The following KCNT2 variants were observed in gnomAD, a reference collection of about 807,000 sequenced individuals.
The protein encoded by KCNT2 is potassium channel subfamily T member 2.
Under a neutral mutation model 153.8 loss-of-function variants are expected in KCNT2, and 67 were observed. The ratio of observed to expected loss-of-function variants is 0.44; its 90% CI spans 0.36 to 0.53. The LOEUF is 0.53. Among genes scored for constraint, KCNT2 ranks in the 20% least tolerant of loss-of-function variants. The pLI, the probability that KCNT2 is intolerant of heterozygous loss-of-function variation, is 0.00. For missense variants in KCNT2, 975 were observed against 1,354.8 expected, an observed-to-expected ratio of 0.72 and a Z score of 4.40; for synonymous variants, 500 against 458.8, an observed-to-expected ratio of 1.09 and a Z score of -1.15.
chr1:196,400,412 C>T (rs1461399085), intron 12 of KCNT2, among the ~76,000 whole-genome samples: 2 of 151,670 alleles, frequency 1.3e-5, no homozygotes, highest in Non-Finnish European at 2.9e-5. Context: ...CTTTATCCCT[C>T]AGTATCTAAT....
chr1:196,262,411 A>C (rs995971493), intron 25 of KCNT2, among the ~76,000 whole-genome samples: 1 of 152,008 alleles, frequency 6.6e-6, no homozygotes, highest in African/African-American at 2.4e-5. Flanking sequence ...TGTGCTATTT[A>C]ATTTATGATT....
chr1:196,558,535 T>C (rs545214078), intron 1 of KCNT2, among the ~76,000 whole-genome samples: 12 of 151,528 alleles, frequency 7.9e-5, no homozygotes, highest in Admixed American at 3.3e-4. Context: ...GCAATTATTA[T>C]GTAATTTACA....
At chr1:196,464,253 C>CA (rs1677408067) in intron 8 of KCNT2, among the ~76,000 whole-genome samples, 1 of 151,444 alleles carries the variant, frequency 6.6e-6, no homozygotes, top group African/African-American at 2.4e-5. Context: ...AGACAGTTTG[C>CA]GAAAGGTAAA....
At chr1:196,346,153 ACTC>A (rs1481694942) in intron 14 of KCNT2, among the ~76,000 whole-genome samples, 1 of 151,680 alleles carries the variant, frequency 6.6e-6, no homozygotes, top group Non-Finnish European at 1.5e-5. Context: ...AGGCAAAAAA[ACTC>A]CTCCATGATT....
At chr1:196,307,814 C>T (rs865839793) in intron 21 of KCNT2, among the ~76,000 whole-genome samples, 1 of 151,858 alleles carries the variant, frequency 6.6e-6, no homozygotes, top group Non-Finnish European at 1.5e-5. Context: ...AGAAAAGTGG[C>T]CTGATGGAAA....
intron 1 of KCNT2, among the ~76,000 whole-genome samples, chr1:196,593,339 CACAT>C (rs1463354737): frequency 2.7e-5 from 4 of 145,616 alleles, no homozygotes; most frequent in Non-Finnish European, 6.1e-5. Context: ...CACACACACA[CACAT>C]ATATATGTGT....
intron 5 of KCNT2, among the ~76,000 whole-genome samples, chr1:196,473,729 T>C (rs1678291236): frequency 6.6e-6 from 1 of 151,994 alleles, no homozygotes; most frequent in South Asian, 2.1e-4. Context: ...TAATGAAACA[T>C]AAATATAGAA....
chr1:196,348,642 A>G (rs1420388827), intron 14 of KCNT2, among the ~76,000 whole-genome samples: 2 of 152,162 alleles, frequency 1.3e-5, no homozygotes, highest in African/African-American at 2.4e-5. Context: ...CGGATTTTAA[A>G]AAAAGTTAAA....
chr1:196,559,754 C>T (rs868587693), intron 1 of KCNT2, among the ~76,000 whole-genome samples: 1 of 151,606 alleles, frequency 6.6e-6, no homozygotes, highest in African/African-American at 2.4e-5. Flanking sequence ...GAATATATTT[C>T]GATTGCATCT....
chr1:196,442,321 GAA>G (rs1675306681), intron 8 of KCNT2, among the ~76,000 whole-genome samples: 1 of 151,700 alleles, frequency 6.6e-6, no homozygotes, highest in Non-Finnish European at 1.5e-5. Context: ...TTCTTCTCCT[GAA>G]AAATGTGAAA....
intron 2 of KCNT2, among the ~76,000 whole-genome samples, 168 bp downstream of exon 2, chr1:196,492,094 G>A (rs983189230): frequency 5.3e-5 from 8 of 151,948 alleles, no homozygotes; most frequent in Admixed American, 3.9e-4. Context: ...TTTCTAAAAT[G>A]TTACCACCTG....
At position 196,447,413 on chromosome 1, in the gene KCNT2, G is replaced by T. The variant is rs567478614; in HGVS notation, c.639-17656C>A. On this transcript the variant is annotated intron_variant, in intron 8 of 27. Coordinates refer to ENST00000294725, the MANE Select transcript of KCNT2 (RefSeq NM_198503.5). ...GAAACATTTAGTTCAAAACCCACAC[G>T]TCAGGAATCATCATAACATCATCAA... is the stretch of plus-strand genomic sequence containing the variant. 4.0e-5 allele frequency among the ~76,000 whole-genome samples: 6 copies of T among 151,668 alleles called. No homozygotes were observed. In the East Asian group the frequency reaches 1.2e-3, roughly 30 times the overall value.
At chr1:196,434,599 A>C (rs1170537835) in intron 8 of KCNT2, among the ~76,000 whole-genome samples, 1 of 152,002 alleles carries the variant, frequency 6.6e-6, no homozygotes, top group African/African-American at 2.4e-5. Context: ...ATAGATTATT[A>C]TAATAGCTGC....
intron 14 of KCNT2, among the ~76,000 whole-genome samples, chr1:196,367,811 G>C (rs563507020): frequency 8.5e-5 from 13 of 152,236 alleles, no homozygotes; most frequent in Middle Eastern, 3.4e-3. Context: ...ACATGTGACA[G>C]GGCTCTGACC....
At chr1:196,575,346 G>A (rs1356924274) in intron 1 of KCNT2, among the ~76,000 whole-genome samples, 1 of 151,856 alleles carries the variant, frequency 6.6e-6, no homozygotes, top group South Asian at 2.1e-4. Flanking sequence ...TCTCTTTTGA[G>A]AAAATGGACA....
chr1:196,596,284 T>C (rs964693643), intron 1 of KCNT2, among the ~76,000 whole-genome samples: 1 of 152,074 alleles, frequency 6.6e-6, no homozygotes, highest in African/African-American at 2.4e-5. Context: ...GTACAACTTT[T>C]AGTTTTTCAA....
chr1:196,387,013 T>C (rs1302746433), intron 13 of KCNT2, among the ~76,000 whole-genome samples: 2 of 152,078 alleles, frequency 1.3e-5, no homozygotes, highest in Non-Finnish European at 2.9e-5. Flanking sequence ...ATAGTTATAA[T>C]TAGGTGAATA....
intron 3 of KCNT2, among the ~76,000 whole-genome samples, chr1:196,485,936 C>A (rs1039297544): frequency 6.6e-6 from 1 of 151,606 alleles, no homozygotes; most frequent in East Asian, 1.9e-4. Flanking sequence ...AAAAAAAACA[C>A]TAGGAGGAAA....
At position 196,228,283 on chromosome 1, in the gene KCNT2, G is replaced by A. The variant is rs761594749; in HGVS notation, c.3349C>T (p.Arg1117Ter). Residue 1117 changes from arginine to a stop codon, truncating the protein, a stop_gained, in exon 28 of 28, where the codon CGA (arginine) becomes TGA (stop). Coordinates refer to ENST00000294725, the MANE Select transcript of KCNT2 (RefSeq NM_198503.5). LOFTEE classifies it high-confidence loss of function. ...LAYLPNSEPS[R>*]RNSICNVTGQ... is the part of the protein sequence containing the mutation. ...GTGACATTGCAGATGCTGTTTCTTC[G>A]ACTGGGCTCACTGTTTGGAAGGTAG... 9.3e-6 allele frequency: 15 copies of A among 1,610,858 alleles called. No homozygotes were observed. The highest frequency in any genetic ancestry group is 3.3e-5 in the South Asian group (3 of 90,782).
Sources: gnomAD v4.1 joint callset for allele counts (sites outside exome capture counted in the v4.1 genomes callset) on GRCh38, gnomAD v4.1.1 for gene constraint, MANE v1.5 for transcripts, NCBI Gene and HGNC (gene_info 2026-07-23, HGNC 2026-07-21) for gene names.